Variants in NEIL3 observed in about 807,000 individuals in gnomAD.
The protein encoded by NEIL3 is endonuclease 8-like 3.
In NEIL3, 48 loss-of-function variants were observed where a neutral mutation model predicts 57.5. That is an observed-to-expected ratio of 0.83 (90% CI 0.66 to 1.06). NEIL3 has a LOEUF of 1.06. Ranked by LOEUF, NEIL3 falls within the 50% of genes least tolerant of loss-of-function variation. NEIL3 has a pLI of 0.00. For missense variants in NEIL3, 717 were observed against 739.1 expected (o/e 0.97, Z 0.35); for synonymous variants, 261 against 253.2 (o/e 1.03, Z -0.29).
intron 4 of NEIL3, among the ~76,000 whole-genome samples, chr4:177,338,870 A>G (rs1170473562): frequency 6.7e-6 from 1 of 149,730 alleles, no homozygotes; most frequent in African/African-American, 2.5e-5. Flanking sequence ...TTTTTTTTTG[A>G]GTCCAGCAAG....
intron 8 of NEIL3, among the ~76,000 whole-genome samples, chr4:177,355,918 T>A (rs1264897338): frequency 1.3e-5 from 2 of 152,202 alleles, no homozygotes; most frequent in Non-Finnish European, 2.9e-5. Context: ...TTAACTTTTG[T>A]TCATATACTC....
intron 6 of NEIL3, chr4:177,343,149 C>G (rs556524227): frequency 6.6e-6 from 1 of 151,982 alleles, no homozygotes; most frequent in African/African-American, 2.4e-5. Context: ...GTTTCAGGAC[C>G]AAATAATAAA....
intron 7 of NEIL3, among the ~76,000 whole-genome samples, chr4:177,352,889 C>G (rs1369881819): frequency 1.3e-5 from 2 of 151,960 alleles, no homozygotes; most frequent in East Asian, 1.9e-4. Context: ...TTTAAATAAG[C>G]CTTTCACTTT....
intron 2 of NEIL3, among the ~76,000 whole-genome samples, chr4:177,323,390 C>T (rs1358523436): frequency 6.6e-6 from 1 of 152,132 alleles, no homozygotes; most frequent in Non-Finnish European, 1.5e-5. Flanking sequence ...TGTTCCTGGA[C>T]CCCATGCTAA....
chr4:177,328,241 A>G (rs1266780354), intron 2 of NEIL3, among the ~76,000 whole-genome samples: 1 of 152,254 alleles, frequency 6.6e-6, no homozygotes. Flanking sequence ...GAACAAGGTG[A>G]CATAATCTAA....
chr4:177,342,274 G>T (rs529627723), intron 6 of NEIL3, among the ~76,000 whole-genome samples: 1 of 152,270 alleles, frequency 6.6e-6, no homozygotes, highest in Admixed American at 6.5e-5. Context: ...AATAATCCTT[G>T]AAAAGTCTGA....
At chr4:177,323,318 G>A (rs1303815024) in intron 2 of NEIL3, among the ~76,000 whole-genome samples, 5 of 152,034 alleles carry the variant, frequency 3.3e-5, no homozygotes, top group East Asian at 1.9e-4. Flanking sequence ...TCCTCAAATC[G>A]TTTTTAGTGC....
At chr4:177,313,244 C>T (rs1409038956) in intron 1 of NEIL3, among the ~76,000 whole-genome samples, 1 of 152,166 alleles carries the variant, frequency 6.6e-6, no homozygotes, top group Non-Finnish European at 1.5e-5. Context: ...CCAAAAAACA[C>T]TACTTCAGTA....
chr4:177,353,986 A>C, intron 8 of NEIL3: 1 of 357,968 alleles, frequency 2.8e-6, no homozygotes, highest in Non-Finnish European at 5.1e-6. Flanking sequence ...GGCTGGTCTC[A>C]ATCTCCTGAT....
At chr4:177,353,834 C>G (rs1031456377) in intron 8 of NEIL3, 106 bp downstream of exon 8, 21 of 950,390 alleles carry the variant, frequency 2.2e-5, no homozygotes, top group Non-Finnish European at 2.7e-5. Context: ...GGTGTGATCT[C>G]AGCTCACTGC....
At chr4:177,353,875 C>T (rs1478414265) in intron 8 of NEIL3, 147 bp downstream of exon 8, 1 of 664,768 alleles carries the variant, frequency 1.5e-6, no homozygotes, top group Non-Finnish European at 2.5e-6. Flanking sequence ...AAGCGATTCT[C>T]CTGCCTCAGC....
intron 1 of NEIL3, 140 bp downstream of exon 1, chr4:177,310,249 G>T: frequency 9.9e-7 from 1 of 1,013,882 alleles, no homozygotes; most frequent in South Asian, 2.1e-5. Flanking sequence ...AGAGTTTATC[G>T]TCACTTTACT....
Position 177,311,521 on chromosome 4 carries a change from A to G in NEIL3, c.156+1412A>G, listed in dbSNP as rs1458778453. 2.0e-5 allele frequency among the ~76,000 whole-genome samples: 3 copies of G among 151,912 alleles called. No individual in the cohort carries two copies. In the East Asian group the frequency reaches 5.8e-4, roughly 29 times the overall value. On this transcript the variant is annotated intron_variant, in intron 1 of 9. Transcript: ENST00000264596. The stretch of plus-strand genomic sequence containing the variant: ...AGAAATTCCATCCCTACAAAAATAA[A>G]AAATTAGTCAGGCATGCTGGTGCAT...
chr4:177,336,709 A>G (rs1247747716), intron 4 of NEIL3, among the ~76,000 whole-genome samples: 1 of 152,212 alleles, frequency 6.6e-6, no homozygotes, highest in African/African-American at 2.4e-5. Flanking sequence ...GTATCCCAAC[A>G]TCTAGAACGT....
chr4:177,341,429 G>A (rs1553988174), intron 5 of NEIL3, 47 bp from the exon 6 acceptor site: 16 of 1,495,108 alleles, frequency 1.1e-5, no homozygotes, highest in Non-Finnish European at 1.4e-5. Context: ...CTCCTTGGCA[G>A]CACTGTTTTG....
At chr4:177,311,683 A>T (rs1181133978) in intron 1 of NEIL3, among the ~76,000 whole-genome samples, 9 of 151,464 alleles carry the variant, frequency 5.9e-5, no homozygotes, top group Admixed American at 4.6e-4. Context: ...TCAAAAAAAA[A>T]AAAAAAAAAA....
chr4:177,362,202 A>G (rs1735618992), intron 9 of NEIL3, 87 bp from the exon 10 acceptor site: 4 of 920,806 alleles, frequency 4.3e-6, no homozygotes, highest in Non-Finnish European at 6.4e-6. Flanking sequence ...TGAAGACTAT[A>G]TGGCACTAAT....
chr4:177,345,543 A>G (rs1184203033), intron 6 of NEIL3, among the ~76,000 whole-genome samples: 1 of 151,856 alleles, frequency 6.6e-6, no homozygotes, highest in Non-Finnish European at 1.5e-5. Flanking sequence ...ATATGTATAC[A>G]TGAGATGTTA....
intron 8 of NEIL3, chr4:177,354,407 T>C (rs1270211420): frequency 6.6e-6 from 1 of 152,174 alleles, no homozygotes; most frequent in Non-Finnish European, 1.5e-5. Context: ...TGAAAGATAG[T>C]CTTCCAAAAG....
Sources: allele counts gnomAD v4.1 joint callset (sites outside exome capture counted in the v4.1 genomes callset), GRCh38; gene constraint gnomAD v4.1.1; transcripts MANE v1.5; gene names NCBI Gene and HGNC (gene_info 2026-07-23, HGNC 2026-07-21).